The following KIF13B variants were observed in gnomAD, a reference collection of about 807,000 sequenced individuals.
KIF13B encodes kinesin-like protein KIF13B.
In KIF13B, 127 loss-of-function variants were observed where a neutral mutation model predicts 222.0. That is an observed-to-expected ratio of 0.57 (90% CI 0.50 to 0.66). The LOEUF is 0.66. Ranked by LOEUF, KIF13B falls within the 30% of genes least tolerant of loss-of-function variation. The pLI is 0.00. For synonymous variants in KIF13B, 976 were observed against 919.0 expected, an observed-to-expected ratio of 1.06 and a Z score of -1.12; for missense variants, 2,173 against 2,379.0, an observed-to-expected ratio of 0.91 and a Z score of 1.80.
At chr8:29,093,277 A>C (rs1461590303) in intron 36 of KIF13B, among the ~76,000 whole-genome samples, 1 of 152,228 alleles carries the variant, frequency 6.6e-6, no homozygotes, top group Non-Finnish European at 1.5e-5. Context: ...CTTTGAAGTC[A>C]GGGACTATGT....
chr8:29,190,853 C>T (rs1813147362), intron 4 of KIF13B, 144 bp downstream of exon 4: 2 of 753,692 alleles, frequency 2.7e-6, no homozygotes, highest in Non-Finnish European at 4.8e-6. Flanking sequence ...ATTAAGTCAT[C>T]TTCTGTGTTG....
chr8:29,133,429 A>C (rs1810431152), intron 22 of KIF13B, among the ~76,000 whole-genome samples: 1 of 152,142 alleles, frequency 6.6e-6, no homozygotes, highest in Non-Finnish European at 1.5e-5. Flanking sequence ...TCTCTACTAA[A>C]AATACAAAAA....
chr8:29,223,390 C>T (rs980539279), intron 2 of KIF13B, among the ~76,000 whole-genome samples: 6 of 150,682 alleles, frequency 4.0e-5, no homozygotes, highest in Non-Finnish European at 8.9e-5. Flanking sequence ...ACAACTTGGC[C>T]TCATTTTAAA....
At chr8:29,208,427 G>A (rs1467846861) in intron 2 of KIF13B, among the ~76,000 whole-genome samples, 1 of 152,234 alleles carries the variant, frequency 6.6e-6, no homozygotes, top group Non-Finnish European at 1.5e-5. Flanking sequence ...AATGAAATCT[G>A]TGGTCCATGG....
At chr8:29,216,108 C>T (rs539801832) in intron 2 of KIF13B, among the ~76,000 whole-genome samples, 69 of 152,238 alleles carry the variant, frequency 4.5e-4, no homozygotes, top group African/African-American at 1.5e-3. Flanking sequence ...TTTTTAATTG[C>T]TTTAATAATA....
chr8:29,243,868 T>C (rs908531668), intron 2 of KIF13B, among the ~76,000 whole-genome samples: 1 of 152,178 alleles, frequency 6.6e-6, no homozygotes, highest in South Asian at 2.1e-4. Flanking sequence ...CTTTGCAAGA[T>C]CTTTTAAAAG....
chr8:29,181,447 C>G (rs527369290), intron 7 of KIF13B, among the ~76,000 whole-genome samples: 2 of 152,282 alleles, frequency 1.3e-5, no homozygotes, highest in African/African-American at 4.8e-5. Flanking sequence ...TCAAATAACT[C>G]TGATACATTT....
intron 35 of KIF13B, among the ~76,000 whole-genome samples, chr8:29,103,559 T>C (rs1198308187): frequency 6.6e-6 from 1 of 152,066 alleles, no homozygotes; most frequent in Non-Finnish European, 1.5e-5. Context: ...ATCCCAAGAG[T>C]GATTTATTTT....
intron 35 of KIF13B, 114 bp downstream of exon 35, chr8:29,108,025 A>C (rs1208781112): frequency 1.2e-6 from 1 of 828,126 alleles, no homozygotes; most frequent in Non-Finnish European, 2.0e-6. Context: ...GTTTCACATA[A>C]TACAGATGAG....
chr8:29,147,107 A>G (rs1234645470), intron 17 of KIF13B, among the ~76,000 whole-genome samples: 4 of 152,234 alleles, frequency 2.6e-5, no homozygotes, highest in Non-Finnish European at 5.9e-5. Flanking sequence ...TTCAGAACCT[A>G]AAGCATAATA....
At chr8:29,146,165 G>C in intron 18 of KIF13B, 1 of 610,906 alleles carries the variant, frequency 1.6e-6, no homozygotes, top group Non-Finnish European at 2.9e-6. Context: ...GGCCAGGTGA[G>C]ATGCAGAGTA....
At position 29,073,743 on chromosome 8, in the gene KIF13B, C is replaced by T. The variant is rs371925004; in HGVS notation, c.4522-1427G>A. Among the ~76,000 whole-genome samples, 33 of 152,254 alleles carry T rather than the reference C, an allele frequency of 2.2e-4. No individual in the cohort carries two copies. In the South Asian group the frequency reaches 5.6e-3, roughly 26 times the overall value. Reference sequence around the variant, plus strand: ...TACCTCAGCAGCTTGATAAATCATGCGTTTTCCCAGGAACTGTCCTTTATA... The same window carrying T: ...TACCTCAGCAGCTTGATAAATCATGTGTTTTCCCAGGAACTGTCCTTTATA... On this transcript the variant is annotated intron_variant, in intron 38 of 39. Coordinates refer to ENST00000524189, the MANE Select transcript of KIF13B (RefSeq NM_015254.4).
chr8:29,072,170 C>T lies in KIF13B; in HGVS notation c.4668G>A (p.Gly1556=). ...AGGCTTCACTCAGGGGGCTGGGGGGCCCGTCCTGTGCCTCCGGAGCCGGGG... is the reference window on the plus strand; with the variant it reads ...AGGCTTCACTCAGGGGGCTGGGGGGTCCGTCCTGTGCCTCCGGAGCCGGGG... ...AVTPAPEAQD[G]PPSPLSEASS... is the part of the protein sequence containing the mutation. The change falls in exon 39 of 40, where the codon GGG becomes GGA. Residue 1556 remains glycine, a synonymous_variant. Coordinates refer to ENST00000524189, the MANE Select transcript of KIF13B (RefSeq NM_015254.4). 2 of 1,428,250 alleles carry T rather than the reference C, an allele frequency of 1.4e-6. No individual in the cohort carries two copies. The highest frequency in any genetic ancestry group is 2.2e-4 in the Middle Eastern group (1 of 4,626). 88.5% of individuals were successfully genotyped at this position (1,428,250 alleles called of 1,614,324 possible).
intron 36 of KIF13B, among the ~76,000 whole-genome samples, chr8:29,096,555 G>GCTACAGGTGGGAGCTACCGCACCCGGC: frequency 6.6e-6 from 1 of 152,100 alleles, no homozygotes; most frequent in African/African-American, 2.4e-5. Context: ...AAGTGCTAGG[G>GCTACAGGTGGGAGCTACCGCACCCGGC]CTACAGGTGG....
chr8:29,098,349 T>A (rs1808636200), intron 36 of KIF13B, among the ~76,000 whole-genome samples: 2 of 151,860 alleles, frequency 1.3e-5, no homozygotes, highest in Admixed American at 6.6e-5. Flanking sequence ...ACGCCTGTAA[T>A]CCCAGCACTT....
chr8:29,086,940 A>C (rs936022233), intron 37 of KIF13B, among the ~76,000 whole-genome samples: 4 of 152,242 alleles, frequency 2.6e-5, no homozygotes, highest in African/African-American at 4.8e-5. Context: ...AAGACTCAAA[A>C]CAGAGAGGAA....
intron 2 of KIF13B, among the ~76,000 whole-genome samples, chr8:29,232,954 G>A (rs897029483): frequency 2.0e-4 from 30 of 152,006 alleles, no homozygotes; most frequent in African/African-American, 6.3e-4. Flanking sequence ...TCAGGAGTTC[G>A]AGACCAGCCT....
chr8:29,152,847 G>C (rs1202715178), intron 14 of KIF13B, among the ~76,000 whole-genome samples: 1 of 151,974 alleles, frequency 6.6e-6, no homozygotes, highest in Non-Finnish European at 1.5e-5. Context: ...CAAAGTGCTG[G>C]GATTACAGGC....
rs146261561 is a variant in KIF13B at position 29,174,993 on chromosome 8, G to A, written c.945+1075C>T. ...CTCTACTAAGCTACTGGGGCGGCCC[G>A]TGTTGAACTCATCTTAGTATTTTCA... On this transcript the variant is annotated intron_variant, in intron 10 of 39. Coordinates refer to ENST00000524189, the MANE Select transcript of KIF13B (RefSeq NM_015254.4). Among the ~76,000 whole-genome samples, 539 of 152,256 alleles carry A rather than the reference G, an allele frequency of 3.5e-3. 6 individuals carry two copies. Among genetic ancestry groups the A allele is most frequent in the African/African-American group, 0.012 (514 of 41,538 alleles).
Sources: allele counts gnomAD v4.1 joint callset (sites outside exome capture counted in the v4.1 genomes callset), GRCh38; gene constraint gnomAD v4.1.1; transcripts MANE v1.5; gene names NCBI Gene and HGNC (gene_info 2026-07-23, HGNC 2026-07-21).